Variants in LAMC3 observed in about 807,000 individuals in gnomAD.
The protein encoded by LAMC3 is laminin subunit gamma 3.
In LAMC3, 128 loss-of-function variants were observed where a neutral mutation model predicts 173.8. The ratio of observed to expected loss-of-function variants is 0.74; its 90% CI spans 0.64 to 0.85. The LOEUF is 0.85. LAMC3 is among the 40% of genes least tolerant of loss of function. LAMC3 has a pLI of 0.00. For missense variants in LAMC3, 2,022 were observed against 2,156.0 expected (o/e 0.94, Z 1.23); for synonymous variants, 897 against 909.1 (o/e 0.99, Z 0.24).
chr9:131,039,713 G>A (rs1834012335), intron 6 of LAMC3, among the ~76,000 whole-genome samples: 1 of 151,948 alleles, frequency 6.6e-6, no homozygotes, highest in Non-Finnish European at 1.5e-5. Context: ...AGTGCAAGGA[G>A]GAGCTAATAG....
intron 17 of LAMC3, among the ~76,000 whole-genome samples, 187 bp from the exon 18 acceptor site, chr9:131,071,297 G>A (rs997662229): frequency 1.3e-5 from 2 of 152,136 alleles, no homozygotes; most frequent in Non-Finnish European, 1.5e-5. Context: ...GGAGGGGAAG[G>A]GACAGCTACC....
intron 1 of LAMC3, among the ~76,000 whole-genome samples, chr9:131,019,653 G>A (rs1833592883): frequency 6.6e-6 from 1 of 152,216 alleles, no homozygotes. Flanking sequence ...ATTTACTAGT[G>A]AGGAGTCAGG....
intron 23 of LAMC3, 112 bp downstream of exon 23, chr9:131,079,410 T>C: frequency 7.5e-7 from 1 of 1,328,736 alleles, no homozygotes; most frequent in Non-Finnish European, 1.1e-6. Flanking sequence ...AGTAGCTCTG[T>C]CCGGCCGGGT....
intron 24 of LAMC3, among the ~76,000 whole-genome samples, chr9:131,084,074 G>C (rs1376019222): frequency 1.4e-5 from 2 of 147,846 alleles, no homozygotes; most frequent in Non-Finnish European, 1.5e-5. Context: ...GTAGAGACAG[G>C]GTTTCACCAG....
chr9:131,042,703 C>G (rs935857343), intron 7 of LAMC3, among the ~76,000 whole-genome samples: 3 of 151,936 alleles, frequency 2.0e-5, no homozygotes, highest in Admixed American at 6.6e-5. Flanking sequence ...CAAACTTTCC[C>G]TTTCATAGCC....
At chr9:131,087,437 A>C (rs745957139) in intron 25 of LAMC3, 39 bp from the exon 26 acceptor site, 1 of 1,612,896 alleles carries the variant, frequency 6.2e-7, no homozygotes. Context: ...GACTTGCTGC[A>C]CTCACTTCTT....
In LAMC3 at chr9:131,027,382, C is replaced by T. The variant is rs563977557; in HGVS notation, c.678+793C>T. ...CCTGTGAATTAGTAACAGGGCCTGC[C>T]CATGTGTCTCCAAGGGCTCCTATGA... is the stretch of plus-strand genomic sequence containing the variant. On this transcript the variant is annotated intron_variant, in intron 2 of 27. Transcript: ENST00000361069. Among the ~76,000 whole-genome samples the T allele has an allele frequency of 2.6e-5, 4 of 152,320 alleles. No homozygotes were observed. The East Asian group carries it at 7.7e-4, about 29-fold the overall frequency.
At chr9:131,012,062 T>TACAC (rs33965311) in intron 1 of LAMC3, among the ~76,000 whole-genome samples, 2,208 of 138,392 alleles carry the variant, frequency 0.016, 49 homozygotes, top group African/African-American at 0.044. Flanking sequence ...CACACACACA[T>TACAC]ACACACACAC....
In LAMC3 at chr9:131,041,366, C is replaced by CAGAAAAAAAAAAAA. The variant is rs1554785561; in HGVS notation, c.1284-270_1284-269insGAAAAAAAAAAAAA. On this transcript the variant is annotated intron_variant, in intron 6 of 27. Coordinates refer to ENST00000361069, the MANE Select transcript of LAMC3 (RefSeq NM_006059.4). ...TGGGTGGCAAAGTGTGACTCTGTCC[C>CAGAAAAAAAAAAAA]AAAAAAAAAGATTCATGGATGATGA... Among the ~76,000 whole-genome samples the CAGAAAAAAAAAAAA allele has an allele frequency of 7.5e-3, 859 of 114,540 alleles. 14 individuals carry two copies. Among genetic ancestry groups the CAGAAAAAAAAAAAA allele is most frequent in the African/African-American group, 0.026 (821 of 31,710 alleles). The allele number at this position is 114,540 out of a possible 152,430, so 75.1% of individuals were successfully genotyped here. A position where few individuals can be genotyped will look rare whatever the true frequency, so the allele number is the denominator to read the frequency against.
chr9:131,037,886 C>T (rs150365693), intron 4 of LAMC3, among the ~76,000 whole-genome samples: 63 of 152,356 alleles, frequency 4.1e-4, no homozygotes, highest in African/African-American at 1.3e-3. Context: ...CCACTGACCA[C>T]GGCAGCCCAG....
In LAMC3 at chr9:131,069,014, C is replaced by T. The variant is rs1829993205; in HGVS notation, c.2854C>T (p.Leu952=). The T allele has an allele frequency of 1.9e-6, 3 of 1,614,060 alleles. No homozygotes were observed. Among genetic ancestry groups the T allele is most frequent in the Non-Finnish European group, 2.5e-6 (3 of 1,180,016 alleles). The change falls in exon 16 of 28, where the codon CTG becomes TTG. Residue 952 remains leucine (L), a synonymous_variant. Transcript: ENST00000361069. The stretch of plus-strand genomic sequence containing the variant: ...AGGCCAGGCCTGTGACAGGTGCCAG[C>T]TGGGTTTCTTCGGCTTCTCCATCAA... ...VTGQACDRCQ[L]GFFGFSIKGC...
intron 2 of LAMC3, among the ~76,000 whole-genome samples, chr9:131,030,113 T>C (rs1233814237): frequency 6.6e-6 from 1 of 152,126 alleles, no homozygotes; most frequent in African/African-American, 2.4e-5. Context: ...CTAATTTTTG[T>C]ATTTTTAGTA....
At chr9:131,071,869 G>A (rs772287910) in intron 18 of LAMC3, among the ~76,000 whole-genome samples, 13 of 152,224 alleles carry the variant, frequency 8.5e-5, no homozygotes, top group Non-Finnish European at 1.8e-4. Flanking sequence ...CCCTCCACAG[G>A]GGTGTCATGA....
intron 13 of LAMC3, among the ~76,000 whole-genome samples, chr9:131,065,307 C>T (rs1829911476): frequency 6.6e-6 from 1 of 152,204 alleles, no homozygotes; most frequent in African/African-American, 2.4e-5. Context: ...TCTTCTGCAG[C>T]TCACAGGTAA....
At chr9:131,085,093 T>G (rs1458117544) in intron 24 of LAMC3, among the ~76,000 whole-genome samples, 1 of 152,192 alleles carries the variant, frequency 6.6e-6, no homozygotes, top group Admixed American at 6.6e-5. Flanking sequence ...TCCCTCCAGT[T>G]ACATCAGACT....
In LAMC3 at chr9:131,057,134, T is replaced by C. The variant is rs747777907; in HGVS notation, c.2145T>C (p.Cys715=). 6.2e-7 allele frequency: 1 copy of C among 1,613,936 alleles called. No homozygotes were observed. Among genetic ancestry groups the C allele is most frequent in the South Asian group, 1.1e-5 (1 of 91,080 alleles). The stretch of plus-strand genomic sequence containing the variant: ...GCACCTGTAACCAGCATGGCACCTG[T>C]GACCCCAACACAGGTGAGTCTCCTG... ...VPCTCNQHGT[C]DPNTGICVCS... The change falls in exon 12 of 28, where the codon TGT becomes TGC. Residue 715 remains cysteine (C), a synonymous_variant. Transcript: ENST00000361069.
At chr9:131,076,930 A>C (rs1830138881) in intron 21 of LAMC3, among the ~76,000 whole-genome samples, 1 of 152,254 alleles carries the variant, frequency 6.6e-6, no homozygotes, top group Admixed American at 6.5e-5. Context: ...GAAACCAAGC[A>C]GAGCCCTTTC....
At chr9:131,072,223 C>G (rs1191753954) in intron 18 of LAMC3, among the ~76,000 whole-genome samples, 5 of 152,132 alleles carry the variant, frequency 3.3e-5, no homozygotes, top group African/African-American at 1.2e-4. Context: ...TGCTACACTC[C>G]TTTAGCAGCC....
chr9:131,026,322 CCA>C lies in LAMC3; in HGVS notation c.415_416del (p.Thr139GlnfsTer4). 1 of 1,614,138 alleles carries C rather than the reference CCA, an allele frequency of 6.2e-7. No individual in the cohort carries two copies. The highest frequency in any genetic ancestry group is 1.1e-5 in the South Asian group (1 of 91,084). ...YEITYVRLKFHTSRPESFAIY... is the reference protein window; with the variant it reads ...YEITYVRLKFXTSRPESFAIY... ...AGATCACGTATGTGAGGCTGAAGTT[CCA>C]CACCAGTCGCCCTGAGAGCTTTGCC... On this transcript the variant is annotated frameshift_variant, in exon 2 of 28. Coordinates refer to ENST00000361069, the MANE Select transcript of LAMC3 (RefSeq NM_006059.4). LOFTEE classifies it high-confidence loss of function. This position sits in a 1 kb window ranked among gnomAD's most constrained non-coding sequence, Gnocchi z 4.8.
Sources: gnomAD v4.1 joint callset for allele counts (sites outside exome capture counted in the v4.1 genomes callset) on GRCh38, gnomAD v4.1.1 for gene constraint, Gnocchi (gnomAD v3.1) non-coding constraint, MANE v1.5 for transcripts, NCBI Gene and HGNC (gene_info 2026-07-23, HGNC 2026-07-21) for gene names.